Variants in AKAP7 observed in about 807,000 individuals in gnomAD.
AKAP7 encodes the protein A kinase (PRKA) anchor protein 7.
Under a neutral mutation model 39.5 loss-of-function variants are expected in AKAP7, and 39 were observed. That is an observed-to-expected ratio of 0.99 (90% CI 0.76 to 1.29). AKAP7 has a LOEUF of 1.29. Among genes scored for constraint, AKAP7 ranks in the 50% most tolerant of loss-of-function variants. The probability of loss-of-function intolerance (pLI) is 0.00; values close to 1 mark genes in which losing one functional copy is unlikely to be tolerated. For synonymous variants in AKAP7, 140 were observed against 139.1 expected (o/e 1.01, Z -0.05); for missense variants, 414 against 407.7 (o/e 1.02, Z -0.13).
At chr6:131,238,632 G>A (rs959128049) in intron 7 of AKAP7, among the ~76,000 whole-genome samples, 1 of 152,160 alleles carries the variant, frequency 6.6e-6, no homozygotes, top group Non-Finnish European at 1.5e-5. Context: ...AGCTCTTCTT[G>A]TTGAATTGAT....
chr6:131,269,537 G>C (rs1334572541), intron 7 of AKAP7, among the ~76,000 whole-genome samples: 2 of 152,114 alleles, frequency 1.3e-5, no homozygotes, highest in Non-Finnish European at 2.9e-5. Flanking sequence ...GAGAACATAT[G>C]ATATGGAATA....
chr6:131,244,515 T>A (rs1811847995), intron 7 of AKAP7, among the ~76,000 whole-genome samples: 1 of 152,252 alleles, frequency 6.6e-6, no homozygotes, highest in Admixed American at 6.5e-5. Flanking sequence ...AGTGCTCTAC[T>A]GCTGTGTGTC....
chr6:131,211,520 C>T (rs892517573), intron 6 of AKAP7, among the ~76,000 whole-genome samples: 1 of 151,780 alleles, frequency 6.6e-6, no homozygotes, highest in Non-Finnish European at 1.5e-5. Context: ...AATCCCAGCA[C>T]TTTGGGAGGC....
intron 7 of AKAP7, among the ~76,000 whole-genome samples, chr6:131,276,417 A>T (rs1814747963): frequency 6.6e-6 from 1 of 152,062 alleles, no homozygotes; most frequent in Admixed American, 6.5e-5. Context: ...ATGATTCCTG[A>T]CCTGTCCTTC....
intron 5 of AKAP7, among the ~76,000 whole-genome samples, chr6:131,174,389 C>T (rs1804371202): frequency 6.6e-6 from 1 of 152,226 alleles, no homozygotes. Context: ...ATGTTCAGCA[C>T]ATGGGATTTT....
At chr6:131,153,684 G>C (rs1487739018) in intron 2 of AKAP7, among the ~76,000 whole-genome samples, 1 of 152,090 alleles carries the variant, frequency 6.6e-6, no homozygotes, top group Non-Finnish European at 1.5e-5. Flanking sequence ...TTGAAATACT[G>C]TGTTAATTCT....
At chr6:131,276,652 T>G (rs896124952) in intron 7 of AKAP7, among the ~76,000 whole-genome samples, 12 of 152,204 alleles carry the variant, frequency 7.9e-5, no homozygotes, top group African/African-American at 2.7e-4. Flanking sequence ...TTTGTTCAGA[T>G]ACCAAATGAG....
chr6:131,281,444 A>T lies in AKAP7; in HGVS notation c.851-86A>T. 8.9e-7 allele frequency: 1 copy of T among 1,117,648 alleles called. No homozygotes were observed. The highest frequency in any genetic ancestry group is 1.2e-6 in the Non-Finnish European group (1 of 801,188). The allele number at this position is 1,117,648 out of a possible 1,614,324, so 69.2% of individuals were successfully genotyped here. On this transcript the variant is annotated intron_variant, in intron 7 of 7. Transcript: ENST00000431975. This position sits in a 1 kb window ranked among gnomAD's most constrained non-coding sequence, Gnocchi z 4.0. ...GATCCAATTTACACTTGCTCTTTTT[A>T]ACCAATGGAACTAGCCGGCCCCTGC... is the stretch of plus-strand genomic sequence containing the variant.
At chr6:131,209,501 C>T (rs750808871) in intron 6 of AKAP7, among the ~76,000 whole-genome samples, 11 of 152,100 alleles carry the variant, frequency 7.2e-5, no homozygotes, top group Non-Finnish European at 1.3e-4. Context: ...CCACCCGCCT[C>T]GGCCTCCCAA....
At chr6:131,271,313 TTC>T (rs2128334834) in intron 7 of AKAP7, among the ~76,000 whole-genome samples, 1 of 152,324 alleles carries the variant, frequency 6.6e-6, no homozygotes, top group Non-Finnish European at 1.5e-5. Flanking sequence ...GCAAAGATTA[TTC>T]TTTTTTAATT....
At chr6:131,211,066 T>C (rs1413057460) in intron 6 of AKAP7, among the ~76,000 whole-genome samples, 1 of 152,198 alleles carries the variant, frequency 6.6e-6, no homozygotes, top group Admixed American at 6.5e-5. Context: ...TATATCCTTA[T>C]TGGCAGGTAC....
chr6:131,168,181 G>A (rs1380143738), intron 4 of AKAP7, among the ~76,000 whole-genome samples: 1 of 152,136 alleles, frequency 6.6e-6, no homozygotes, highest in Non-Finnish European at 1.5e-5. Flanking sequence ...GGAGGCCAAG[G>A]CAGGAGCATC....
At chr6:131,203,066 A>G (rs1242344106) in intron 6 of AKAP7, among the ~76,000 whole-genome samples, 1 of 152,186 alleles carries the variant, frequency 6.6e-6, no homozygotes, top group Non-Finnish European at 1.5e-5. Context: ...GCAGAGGAAT[A>G]TACTTAAGAC....
Position 131,169,125 on chromosome 6 carries a change from T to C in AKAP7, c.441T>C (p.Ala147=), listed in dbSNP as rs1316004431. The change falls in exon 5 of 8, where the codon GCT becomes GCC. Residue 147 remains alanine (A), a synonymous_variant. Coordinates refer to ENST00000431975, the MANE Select transcript of AKAP7 (RefSeq NM_016377.4). ...TATTTCTTACTAGTGGTATTGATGC[T>C]CTTTTGGAATTGAAACCATTCATAG... ...NEDEVNIGID[A]LLELKPFIEE... is the part of the protein sequence containing the mutation. 1.2e-6 allele frequency: 2 copies of C among 1,610,870 alleles called. No homozygotes were observed. Among genetic ancestry groups the C allele is most frequent in the Non-Finnish European group, 1.7e-6 (2 of 1,177,364 alleles).
At chr6:131,156,341 T>TA (rs1802417708) in intron 2 of AKAP7, among the ~76,000 whole-genome samples, 1 of 152,120 alleles carries the variant, frequency 6.6e-6, no homozygotes, top group South Asian at 2.1e-4. Flanking sequence ...ATATTTAATT[T>TA]AAAAAACTGT....
chr6:131,241,609 G>GTATACGTATATA (rs1176516314), intron 7 of AKAP7, among the ~76,000 whole-genome samples: 1 of 135,446 alleles, frequency 7.4e-6, no homozygotes, highest in African/African-American at 2.7e-5. Flanking sequence ...GTGTGTGTGT[G>GTATACGTATATA]TGTGTGTGTG....
intron 4 of AKAP7, among the ~76,000 whole-genome samples, chr6:131,167,163 CTTTACCTT>C (rs913022757): frequency 1.3e-5 from 2 of 152,254 alleles, no homozygotes; most frequent in African/African-American, 2.4e-5. Context: ...TTTTTACTTA[CTTTACCTT>C]AAAGAAGCCT....
intron 7 of AKAP7, among the ~76,000 whole-genome samples, chr6:131,269,446 T>C (rs912416204): frequency 1.3e-5 from 2 of 152,192 alleles, no homozygotes; most frequent in African/African-American, 4.8e-5. Context: ...GTCAGGGATC[T>C]TGAGGCATCC....
rs529743261 is a variant in AKAP7 at position 131,250,421 on chromosome 6, G to A, written c.850+30613G>A. On this transcript the variant is annotated intron_variant, in intron 7 of 7. Transcript: ENST00000431975. The stretch of plus-strand genomic sequence containing the variant: ...TCCCTTCTCCTTTCTCTCCCCCGGC[G>A]GCGTGTGCATTGGCTCTTCAAGCTG... 1.0e-5 allele frequency: 15 copies of A among 1,461,236 alleles called. No individual in the cohort carries two copies. In the South Asian group the frequency reaches 1.0e-4, roughly 10 times the overall value. 90.5% of individuals were successfully genotyped at this position (1,461,236 alleles called of 1,614,324 possible). A position where few individuals can be genotyped will look rare whatever the true frequency, so the allele number is the denominator to read the frequency against.
Sources: gnomAD v4.1 joint callset for allele counts (sites outside exome capture counted in the v4.1 genomes callset) on GRCh38, gnomAD v4.1.1 for gene constraint, Gnocchi (gnomAD v3.1) non-coding constraint, MANE v1.5 for transcripts, NCBI Gene and HGNC (gene_info 2026-07-23, HGNC 2026-07-21) for gene names.